The following SH3RF1 variants were observed in gnomAD, a reference collection of about 807,000 sequenced individuals.
SH3RF1 encodes the protein E3 ubiquitin-protein ligase SH3RF1.
Under a neutral mutation model 74.0 loss-of-function variants are expected in SH3RF1, and 32 were observed. The observed-to-expected ratio is 0.43, with a 90% CI of 0.33 to 0.58. The LOEUF (loss-of-function observed/expected upper bound fraction) is 0.58. Among genes scored for constraint, SH3RF1 ranks in the 20% least tolerant of loss-of-function variants. The pLI is 0.05. For missense variants in SH3RF1, 954 were observed against 1,130.9 expected, an observed-to-expected ratio of 0.84 and a Z score of 2.24; for synonymous variants, 396 against 439.6, an observed-to-expected ratio of 0.90 and a Z score of 1.24.
chr4:169,163,228 A>C (rs1734179514), intron 2 of SH3RF1, among the ~76,000 whole-genome samples: 1 of 151,224 alleles, frequency 6.6e-6, no homozygotes, highest in African/African-American at 2.4e-5. Context: ...GAGTATATTC[A>C]AACACCCAGA....
intron 4 of SH3RF1, among the ~76,000 whole-genome samples, chr4:169,137,311 A>G (rs1026676568): frequency 6.6e-6 from 1 of 152,186 alleles, no homozygotes; most frequent in Non-Finnish European, 1.5e-5. Flanking sequence ...AACTTCATCT[A>G]TCTGAAAAGC....
chr4:169,227,536 T>A (rs533147293), intron 2 of SH3RF1, among the ~76,000 whole-genome samples: 2 of 152,218 alleles, frequency 1.3e-5, no homozygotes, highest in African/African-American at 4.8e-5. Flanking sequence ...CCCACAGCAA[T>A]AGAATGTTTA....
chr4:169,224,613 C>G (rs376631943), intron 2 of SH3RF1, among the ~76,000 whole-genome samples: 1 of 152,206 alleles, frequency 6.6e-6, no homozygotes, highest in Non-Finnish European at 1.5e-5. Context: ...CCACCACCAC[C>G]GACCTCTAAT....
chr4:169,127,415 C>T (rs549016123), intron 6 of SH3RF1, among the ~76,000 whole-genome samples: 1 of 152,270 alleles, frequency 6.6e-6, no homozygotes, highest in Non-Finnish European at 1.5e-5. Flanking sequence ...TCTTCGGAAC[C>T]AATTCAAATT....
intron 2 of SH3RF1, among the ~76,000 whole-genome samples, chr4:169,262,503 C>T (rs1449928452): frequency 1.3e-5 from 2 of 152,158 alleles, no homozygotes; most frequent in East Asian, 3.9e-4. Flanking sequence ...CCCACCTCTA[C>T]TAAAAGTACA....
intron 2 of SH3RF1, among the ~76,000 whole-genome samples, chr4:169,226,691 A>T (rs775847638): frequency 2.0e-5 from 3 of 152,180 alleles, no homozygotes; most frequent in African/African-American, 4.8e-5. Flanking sequence ...TTTATAGGAA[A>T]CTATTGTAGA....
rs1272436632 is a variant in SH3RF1 at position 169,268,857 on chromosome 4, T to C, written c.356A>G (p.Gln119Arg). 1 of 1,609,974 alleles carries C rather than the reference T, an allele frequency of 6.2e-7. No homozygotes were observed. The highest frequency in any genetic ancestry group is 1.1e-5 in the South Asian group (1 of 90,562). ...GCTCCAGGATTGCACCCGAGGCTGC[T>C]GTCCGCCCTGGGAGCTCTGCAGATC... ...SKDLQSSQGG[Q>R]QPRVQSWSPP... is the part of the protein sequence containing the mutation. The change falls in exon 2 of 12, where the codon CAG (glutamine) becomes CGG (arginine). Residue 119 changes from glutamine (Q) to arginine (R), a missense_variant. This residue lies in a region of SH3RF1 where 854 missense variants were observed against 962.5 expected (regional missense o/e 0.89). Transcript: ENST00000284637.
intron 8 of SH3RF1, among the ~76,000 whole-genome samples, chr4:169,119,252 T>C (rs1451878371): frequency 6.7e-6 from 1 of 150,252 alleles, no homozygotes; most frequent in Non-Finnish European, 1.5e-5. Context: ...TACAGGCACG[T>C]GCCACCATGC....
chr4:169,112,090 A>G (rs1733254460), intron 10 of SH3RF1, among the ~76,000 whole-genome samples: 1 of 152,228 alleles, frequency 6.6e-6, no homozygotes, highest in African/African-American at 2.4e-5. Flanking sequence ...AGGAGGGGGC[A>G]ATAGACACGC....
At chr4:169,211,680 G>C (rs1268393308) in intron 2 of SH3RF1, among the ~76,000 whole-genome samples, 1 of 152,134 alleles carries the variant, frequency 6.6e-6, no homozygotes, top group African/African-American at 2.4e-5. Flanking sequence ...TAAAAGGGGG[G>C]AAGTGTTATG....
chr4:169,186,298 T>C (rs1734601201), intron 2 of SH3RF1, among the ~76,000 whole-genome samples: 1 of 152,020 alleles, frequency 6.6e-6, no homozygotes, highest in Admixed American at 6.5e-5. Context: ...CCATGACACA[T>C]GTTTACCTAT....
intron 2 of SH3RF1, among the ~76,000 whole-genome samples, chr4:169,197,667 G>T (rs1001821403): frequency 6.8e-6 from 1 of 147,272 alleles, no homozygotes; most frequent in Non-Finnish European, 1.5e-5. Context: ...TGTGTTTGTT[G>T]TTATATGTCT....
At chr4:169,123,225 C>T (rs1041468522) in intron 6 of SH3RF1, among the ~76,000 whole-genome samples, 20 of 151,352 alleles carry the variant, frequency 1.3e-4, no homozygotes, top group African/African-American at 4.9e-4. Flanking sequence ...AGAGCTTATA[C>T]CAGTCATCTT....
At chr4:169,117,464 C>A in intron 9 of SH3RF1, 59 bp downstream of exon 9, 1 of 1,581,068 alleles carries the variant, frequency 6.3e-7, no homozygotes, top group East Asian at 2.3e-5. Flanking sequence ...CATAAAAGAT[C>A]TACTATTAGG....
chr4:169,168,706 A>T (rs1424623156), intron 2 of SH3RF1, among the ~76,000 whole-genome samples: 3 of 152,262 alleles, frequency 2.0e-5, no homozygotes. Context: ...GACTTTGAAA[A>T]AATGAACAGT....
rs575382933 is a variant in SH3RF1 at position 169,145,552 on chromosome 4, C to T, written c.766-8932G>A. Among the ~76,000 whole-genome samples, 7 of 146,316 alleles carry T rather than the reference C, an allele frequency of 4.8e-5. No individual in the cohort carries two copies. The East Asian group carries it at 1.4e-3, about 29-fold the overall frequency. The stretch of plus-strand genomic sequence containing the variant: ...GTAATAAACCAGCACATGTACCCCC[C>T]GAATCTGTAAAAATATATATATATT... On this transcript the variant is annotated intron_variant, in intron 4 of 11. Coordinates refer to ENST00000284637, the MANE Select transcript of SH3RF1 (RefSeq NM_020870.4).
intron 2 of SH3RF1, among the ~76,000 whole-genome samples, chr4:169,224,945 A>G (rs528207557): frequency 6.6e-6 from 1 of 152,338 alleles, no homozygotes; most frequent in Non-Finnish European, 1.5e-5. Flanking sequence ...TCATTCTGTA[A>G]CAGGGTGCCC....
At chr4:169,221,403 G>A (rs1730561997) in intron 2 of SH3RF1, among the ~76,000 whole-genome samples, 1 of 152,098 alleles carries the variant, frequency 6.6e-6, no homozygotes, top group Non-Finnish European at 1.5e-5. Flanking sequence ...GTACTTTTAA[G>A]ACCTAGTTTC....
chr4:169,262,907 G>A (rs1222730935), intron 2 of SH3RF1, among the ~76,000 whole-genome samples: 1 of 152,154 alleles, frequency 6.6e-6, no homozygotes, highest in East Asian at 1.9e-4. Context: ...GGTCAGGGAT[G>A]GGGCAGACAT....
Sources: gnomAD v4.1 joint callset for allele counts (sites outside exome capture counted in the v4.1 genomes callset) on GRCh38, gnomAD v4.1.1 for gene constraint, gnomAD v4.1.1 regional missense constraint, MANE v1.5 for transcripts, NCBI Gene and HGNC (gene_info 2026-07-23, HGNC 2026-07-21) for gene names.